C8orf82: variants seen among roughly 807,000 people sequenced by gnomAD.
C8orf82 encodes the protein UPF0598 protein C8orf82.
C8orf82 carries 24 observed loss-of-function variants against 15.0 expected under a neutral mutation model. That is an observed-to-expected ratio of 1.60 (90% CI 1.16 to 2.24). C8orf82 has a LOEUF of 2.24. C8orf82 is among the 30% of genes most tolerant of loss of function. The pLI is 0.00. For synonymous variants in C8orf82, 205 were observed against 152.2 expected (o/e 1.35, Z -2.55); for missense variants, 388 against 317.4 (o/e 1.22, Z -1.69).
intron 2 of C8orf82, 87 bp downstream of exon 2, chr8:144,527,937 G>A (rs764493679): frequency 2.0e-6 from 3 of 1,514,100 alleles, no homozygotes; most frequent in East Asian, 2.3e-5. Flanking sequence ...TCCTTGGTGC[G>A]CTGGGCCCGT....
At chr8:144,528,614 C>CG in intron 1 of C8orf82, 147 bp downstream of exon 1, 17 of 236,942 alleles carry the variant, frequency 7.2e-5, no homozygotes, top group Non-Finnish European at 9.8e-5. Context: ...CCGCGCAGGC[C>CG]CCGCCCACCC....
At position 144,529,063 on chromosome 8, in the gene C8orf82, C is replaced by T. The variant is rs1046204021; in HGVS notation, c.-147G>A. 2.2e-5 allele frequency: 17 copies of T among 787,148 alleles called. No individual in the cohort carries two copies. In the African/African-American group the frequency reaches 3.0e-4, roughly 14 times the overall value. The allele number at this position is 787,148 out of a possible 1,614,324, so 48.8% of individuals were successfully genotyped here. A position where few individuals can be genotyped will look rare whatever the true frequency, so the allele number is the denominator to read the frequency against. ...CCGGCGCTCTTCCCTCTCCCTCGGG[C>T]CTCGGGGGCTCGCCCGCCCTGGCCT... is the stretch of plus-strand genomic sequence containing the variant. On this transcript the variant is annotated 5_prime_UTR_variant, in exon 1 of 3. Coordinates refer to ENST00000524821, the MANE Select transcript of C8orf82 (RefSeq NM_001001795.2).
chr8:144,527,946 G>A (rs746385989), intron 2 of C8orf82, 78 bp downstream of exon 2: 10 of 1,539,116 alleles, frequency 6.5e-6, no homozygotes, highest in East Asian at 2.2e-5. Context: ...CGCTGGGCCC[G>A]TCGGCAGAGT....
At position 144,527,435 on chromosome 8, in the gene C8orf82, C is replaced by T. The variant is rs1203163347; in HGVS notation, c.558G>A (p.Ala186=). Residue 186 remains alanine, a synonymous_variant, in exon 3 of 3, where the codon GCG becomes GCA. Transcript: ENST00000524821. The part of the protein sequence containing the change: ...LSACFEYGPG[A]PALPSHVRWQ... ...AGCGCACGTGCGAGGGCAGCGCAGG[C>T]GCGCCGGGCCCGTACTCGAAGCAGG... 5 of 1,235,790 alleles carry T rather than the reference C, an allele frequency of 4.0e-6. No individual in the cohort carries two copies. The highest frequency in any genetic ancestry group is 9.1e-5 in the Admixed American group (2 of 22,072). The allele number at this position is 1,235,790 out of a possible 1,614,324, so 76.6% of individuals were successfully genotyped here.
At chr8:144,528,253 C>A (rs1184630520) in intron 1 of C8orf82, 181 bp from the exon 2 acceptor site, 1 of 1,491,448 alleles carries the variant, frequency 6.7e-7, no homozygotes, top group Non-Finnish European at 8.9e-7. Flanking sequence ...CCGACTTATC[C>A]GCGTCTATGC....
intron 1 of C8orf82, 167 bp from the exon 2 acceptor site, chr8:144,528,239 C>T (rs1816455787): frequency 5.4e-6 from 8 of 1,485,600 alleles, no homozygotes; most frequent in African/African-American, 2.8e-5. Context: ...ACCTGGGGGC[C>T]CCGCCGACTT....
chr8:144,528,612 G>GCC, intron 1 of C8orf82, 149 bp downstream of exon 1: 1 of 358,202 alleles, frequency 2.8e-6, no homozygotes, highest in Non-Finnish European at 4.0e-6. Flanking sequence ...CACCGCGCAG[G>GCC]CCCCGCCCAC....
chr8:144,527,314 C>T lies in C8orf82; in HGVS notation c.*28G>A, dbSNP rs1586859628. The T allele has an allele frequency of 8.7e-7, 1 of 1,153,668 alleles. No individual in the cohort carries two copies. Among genetic ancestry groups the T allele is most frequent in the Non-Finnish European group, 1.1e-6 (1 of 935,006 alleles). 71.5% of individuals were successfully genotyped at this position (1,153,668 alleles called of 1,614,324 possible). A position where few individuals can be genotyped will look rare whatever the true frequency, so the allele number is the denominator to read the frequency against. ...GGGGGAGCGGGGCGAGAGGCGCCCG[C>T]GGCCTCCCGCCTTTCCCTTGGCCCC... On this transcript the variant is annotated 3_prime_UTR_variant, in exon 3 of 3. Coordinates refer to ENST00000524821, the MANE Select transcript of C8orf82 (RefSeq NM_001001795.2).
Position 144,528,542 on chromosome 8 carries a change from C to A in C8orf82, c.156+219G>T, listed in dbSNP as rs771163459. On this transcript the variant is annotated intron_variant, in intron 1 of 2. Transcript: ENST00000524821. ...CCCATGTAGGAGCCTCGGCCCGGACCGACCCAACTCCCCGTCTTTCCAGCG... is the reference window on the plus strand; with the variant it reads ...CCCATGTAGGAGCCTCGGCCCGGACAGACCCAACTCCCCGTCTTTCCAGCG... 110 of 1,338,638 alleles carry A rather than the reference C, an allele frequency of 8.2e-5. 2 individuals are homozygous for A. The highest frequency in any genetic ancestry group is 3.5e-5 in the Non-Finnish European group (36 of 1,022,210). 82.9% of individuals were successfully genotyped at this position (1,338,638 alleles called of 1,614,324 possible).
At position 144,527,222 on chromosome 8, in the gene C8orf82, C is replaced by T. The variant is rs576057161; in HGVS notation, c.*120G>A. 9.7e-5 allele frequency: 64 copies of T among 660,850 alleles called. No individual in the cohort carries two copies. The African/African-American group carries it at 1.1e-3, about 11-fold the overall frequency. The allele number at this position is 660,850 out of a possible 1,614,324, so 40.9% of individuals were successfully genotyped here. A position where few individuals can be genotyped will look rare whatever the true frequency, so the allele number is the denominator to read the frequency against. ...GGACAGCGCCGGGTGGGGGCGGGGC[C>T]GAGCGCGCAGGCGCACTAGGCTGCC... On this transcript the variant is annotated 3_prime_UTR_variant, in exon 3 of 3. Transcript: ENST00000524821.
chr8:144,527,660 C>G lies in C8orf82; in HGVS notation c.333G>C (p.Pro111=), dbSNP rs1276015057. 1.3e-6 allele frequency: 2 copies of G among 1,552,604 alleles called. No individual in the cohort carries two copies. The highest frequency in any genetic ancestry group is 2.7e-5 in the African/African-American group (2 of 73,736). The part of the protein sequence containing the change: ...ERNFLRCEDR[P]VVFTHLLTAD... ...CGGTCAGCAGGTGCGTGAAGACCACCGGCCGGTCCTCGCAGCGCAGGAAGT... is the reference window on the plus strand; with the variant it reads ...CGGTCAGCAGGTGCGTGAAGACCACGGGCCGGTCCTCGCAGCGCAGGAAGT... Residue 111 remains proline (P), a synonymous_variant, in exon 3 of 3, where the codon CCG becomes CCC. Transcript: ENST00000524821.
rs1307536484 is a variant in C8orf82 at position 144,527,375 on chromosome 8, C to T, written c.618G>A (p.Leu206=). The change falls in exon 3 of 3, where the codon CTG becomes CTA. Residue 206 remains leucine, a synonymous_variant. Transcript: ENST00000524821. ...ACCGAGCCGCGAGCAGCAGCGGGGC[C>T]AGGTCCATGGTGAGGGCGAGGCGGC... is the stretch of plus-strand genomic sequence containing the variant. The part of the protein sequence containing the change: ...QGRRLALTMD[L]APLLLAARSP 2 of 1,233,444 alleles carry T rather than the reference C, an allele frequency of 1.6e-6. No homozygotes were observed. Among genetic ancestry groups the T allele is most frequent in the South Asian group, 2.3e-5 (1 of 43,816 alleles). The allele number at this position is 1,233,444 out of a possible 1,614,324, so 76.4% of individuals were successfully genotyped here. A position where few individuals can be genotyped will look rare whatever the true frequency, so the allele number is the denominator to read the frequency against.
rs761873643 is a variant in C8orf82, at chr8:144,527,855, C to T, written c.206-68G>A. 4.5e-6 allele frequency: 7 copies of T among 1,555,934 alleles called. No individual in the cohort carries two copies. The African/African-American group carries it at 6.8e-5, about 15-fold the overall frequency. ...AAGGCCTCCGGGCCCAGGACCATAC[C>T]GAGGGCAGGCGCCGACGGTAAGAGG... is the stretch of plus-strand genomic sequence containing the variant. On this transcript the variant is annotated intron_variant, in intron 2 of 2. Coordinates refer to ENST00000524821, the MANE Select transcript of C8orf82 (RefSeq NM_001001795.2).
chr8:144,528,976 G>A lies in C8orf82; in HGVS notation c.-60C>T. Reference sequence around the variant, plus strand: ...GCCGGGGGCGGTGCTGCGCGAACTCGCGCCTGCCCGCAGTAGCCCCGCGCT... The same window carrying A: ...GCCGGGGGCGGTGCTGCGCGAACTCACGCCTGCCCGCAGTAGCCCCGCGCT... On this transcript the variant is annotated 5_prime_UTR_variant, in exon 1 of 3. Coordinates refer to ENST00000524821, the MANE Select transcript of C8orf82 (RefSeq NM_001001795.2). 4 of 1,433,078 alleles carry A rather than the reference G, an allele frequency of 2.8e-6. No homozygotes were observed. Among genetic ancestry groups the A allele is most frequent in the Non-Finnish European group, 3.6e-6 (4 of 1,096,732 alleles). The allele number at this position is 1,433,078 out of a possible 1,614,324, so 88.8% of individuals were successfully genotyped here.
rs530676909 is a variant in C8orf82, at chr8:144,528,572, C to T, written c.156+189G>A. ...CAACTCCCCGTCTTTCCAGCGCGCT[C>T]TCCTCCAGCTCTGAGGAGTCGAGGT... On this transcript the variant is annotated intron_variant, in intron 1 of 2. Transcript: ENST00000524821. 8.6e-5 allele frequency: 108 copies of T among 1,257,160 alleles called. No individual in the cohort carries two copies. In the African/African-American group the frequency reaches 1.6e-3, roughly 18 times the overall value. 77.9% of individuals were successfully genotyped at this position (1,257,160 alleles called of 1,614,324 possible).
In C8orf82 at chr8:144,525,766, G is replaced by A. The variant is rs1816338950; in HGVS notation, c.*1576C>T. 6.6e-6 allele frequency: 1 copy of A among 152,198 alleles called. No homozygotes were observed. The highest frequency in any genetic ancestry group is 6.5e-5 in the Admixed American group (1 of 15,276). 9.4% of individuals were successfully genotyped at this position (152,198 alleles called of 1,614,324 possible). On this transcript the variant is annotated 3_prime_UTR_variant, in exon 3 of 3. Coordinates refer to ENST00000524821, the MANE Select transcript of C8orf82 (RefSeq NM_001001795.2). ...ATGCCGGTCCCCAGAAAGGTGTCCT[G>A]TCTTTGGGGATAGATGGGGCCCTGG...
At position 144,528,855 on chromosome 8, in the gene C8orf82, G is replaced by A. The variant is rs1375722375; in HGVS notation, c.62C>T (p.Ala21Val). 2 of 1,520,720 alleles carry A rather than the reference G, an allele frequency of 1.3e-6. No individual in the cohort carries two copies. Among genetic ancestry groups the A allele is most frequent in the Non-Finnish European group, 1.8e-6 (2 of 1,136,262 alleles). The allele number at this position is 1,520,720 out of a possible 1,614,324, so 94.2% of individuals were successfully genotyped here. A position where few individuals can be genotyped will look rare whatever the true frequency, so the allele number is the denominator to read the frequency against. ...GGAAACGCCCCCATCCCCGCTGCAG[G>A]CCCGGGCTCCCCGCGACCGCGCCAA... ...LALARSRGAR[A>V]CSGDGGVSYT... Residue 21 changes from alanine (A) to valine (V), a missense_variant, in exon 1 of 3, where the codon GCC becomes GTC. Transcript: ENST00000524821.
chr8:144,528,336 C>A (rs985082430), intron 1 of C8orf82: 11 of 1,511,278 alleles, frequency 7.3e-6, no homozygotes, highest in Middle Eastern at 3.4e-4. Context: ...ATCAGTTGTA[C>A]CACCTCCTCC....
rs965648567 is a variant in C8orf82 at position 144,529,051 on chromosome 8, C to T, written c.-135G>A. 7.4e-6 allele frequency: 7 copies of T among 941,948 alleles called. No individual in the cohort carries two copies. The highest frequency in any genetic ancestry group is 5.4e-5 in the African/African-American group (3 of 55,962). 58.3% of individuals were successfully genotyped at this position (941,948 alleles called of 1,614,324 possible). ...CGCGACCCGGGCCCGGCGCTCTTCCCTCTCCCTCGGGCCTCGGGGGCTCGC... is the reference window on the plus strand; with the variant it reads ...CGCGACCCGGGCCCGGCGCTCTTCCTTCTCCCTCGGGCCTCGGGGGCTCGC... On this transcript the variant is annotated 5_prime_UTR_variant, in exon 1 of 3. Coordinates refer to ENST00000524821, the MANE Select transcript of C8orf82 (RefSeq NM_001001795.2).
Sources: gnomAD v4.1 joint callset for allele counts on GRCh38, gnomAD v4.1.1 for gene constraint, MANE v1.5 for transcripts, NCBI Gene and HGNC (gene_info 2026-07-23, HGNC 2026-07-21) for gene names.